MAGI2: variants seen among roughly 807,000 people sequenced by gnomAD.
MAGI2 encodes membrane-associated guanylate kinase, WW and PDZ domain-containing protein 2.
Under a neutral mutation model 133.3 loss-of-function variants are expected in MAGI2, and 35 were observed. The ratio of observed to expected loss-of-function variants is 0.26; its 90% CI spans 0.20 to 0.35. MAGI2 has a LOEUF of 0.35. MAGI2 is among the 10% of genes least tolerant of loss of function. The probability of loss-of-function intolerance (pLI) is 1.00; values close to 1 mark genes in which losing one functional copy is unlikely to be tolerated. For missense variants in MAGI2, 1,636 were observed against 1,863.4 expected (o/e 0.88, Z 2.25); for synonymous variants, 729 against 710.6 (o/e 1.03, Z -0.41).
At chr7:78,632,273 G>T (rs1179603165) in intron 2 of MAGI2, among the ~76,000 whole-genome samples, 1 of 152,182 alleles carries the variant, frequency 6.6e-6, no homozygotes, top group African/African-American at 2.4e-5. Context: ...GCTATAAAGG[G>T]TTAAATCTTA....
At chr7:79,254,434 T>A (rs940284217) in intron 1 of MAGI2, among the ~76,000 whole-genome samples, 7 of 152,204 alleles carry the variant, frequency 4.6e-5, no homozygotes, top group African/African-American at 1.7e-4. Flanking sequence ...ACAAAGGCCA[T>A]CTTACTGAAT....
intron 2 of MAGI2, among the ~76,000 whole-genome samples, chr7:78,666,785 G>A (rs1281588920): frequency 6.6e-6 from 1 of 152,196 alleles, no homozygotes; most frequent in Non-Finnish European, 1.5e-5. Context: ...GAAAGAAACA[G>A]ATTCAAAGGT....
chr7:78,791,541 CTT>C (rs553315100), intron 2 of MAGI2, among the ~76,000 whole-genome samples: 16 of 132,930 alleles, frequency 1.2e-4, no homozygotes, highest in South Asian at 2.4e-4. Context: ...GAGAAACAAT[CTT>C]TTTTTTTTTT....
intron 2 of MAGI2, among the ~76,000 whole-genome samples, chr7:78,641,590 G>T (rs975870705): frequency 2.0e-5 from 3 of 152,190 alleles, no homozygotes; most frequent in African/African-American, 7.2e-5. Flanking sequence ...AAATCAACAA[G>T]ATGCAACTTC....
chr7:78,678,834 CTCT>C (rs559413201), intron 2 of MAGI2, among the ~76,000 whole-genome samples: 19 of 152,162 alleles, frequency 1.2e-4, no homozygotes, highest in African/African-American at 4.3e-4. Flanking sequence ...TTTTCATTGT[CTCT>C]TGTTTTATTT....
chr7:78,507,282 G>A (rs145233737), intron 4 of MAGI2, among the ~76,000 whole-genome samples: 3 of 152,264 alleles, frequency 2.0e-5, no homozygotes, highest in African/African-American at 7.2e-5. Flanking sequence ...CTAGGGATAC[G>A]GTTTAATGTG....
At chr7:78,082,288 C>T (rs927074829) in intron 20 of MAGI2, among the ~76,000 whole-genome samples, 3 of 152,280 alleles carry the variant, frequency 2.0e-5, no homozygotes, top group African/African-American at 7.2e-5. Flanking sequence ...AAGGAGAAGG[C>T]ATTAGCCTGG....
intron 1 of MAGI2, among the ~76,000 whole-genome samples, chr7:79,406,234 T>A (rs1455612430): frequency 6.6e-6 from 1 of 151,988 alleles, no homozygotes; most frequent in Non-Finnish European, 1.5e-5. Context: ...TAGTAGCATG[T>A]TAGAGTACAA....
chr7:78,119,188 T>C (rs1374190891), intron 20 of MAGI2, among the ~76,000 whole-genome samples: 32 of 152,114 alleles, frequency 2.1e-4, no homozygotes, highest in Admixed American at 2.0e-3. Context: ...ACACGGAGAA[T>C]TTTTAGAGCA....
chr7:79,409,220 TA>T (rs1299154487), intron 1 of MAGI2, among the ~76,000 whole-genome samples: 3 of 150,774 alleles, frequency 2.0e-5, no homozygotes, highest in African/African-American at 7.4e-5. Context: ...GCCAAAGAAT[TA>T]AAAAAATTTT....
At position 79,385,516 on chromosome 7, in the gene MAGI2, T is replaced by C. The variant is rs926527388; in HGVS notation, c.301+67504A>G. 2.6e-5 allele frequency among the ~76,000 whole-genome samples: 4 copies of C among 152,088 alleles called. 1 individual carries two copies. In the South Asian group the frequency reaches 8.3e-4, roughly 31 times the overall value. ...CTTTTAGTTCTAAGAATTGTAATAG[T>C]ACTCTCTCATCACACATTGTAGCAG... On this transcript the variant is annotated intron_variant, in intron 1 of 21. Transcript: ENST00000354212.
At chr7:78,869,061 T>C (rs1381037306) in intron 2 of MAGI2, among the ~76,000 whole-genome samples, 1 of 152,200 alleles carries the variant, frequency 6.6e-6, no homozygotes, top group Admixed American at 6.5e-5. Context: ...CCCCAATACA[T>C]ACATTTTTAA....
chr7:78,836,854 T>C (rs1400257988), intron 2 of MAGI2, among the ~76,000 whole-genome samples: 3 of 151,718 alleles, frequency 2.0e-5, no homozygotes, highest in Non-Finnish European at 4.4e-5. Context: ...TTCTAGCTTA[T>C]CACAAGCACT....
chr7:79,176,824 T>C (rs1297920048), intron 1 of MAGI2, among the ~76,000 whole-genome samples: 1 of 152,002 alleles, frequency 6.6e-6, no homozygotes, highest in Non-Finnish European at 1.5e-5. Context: ...TTAGTTTTAG[T>C]AAAATGACAC....
At position 78,609,376 on chromosome 7, in the gene MAGI2, C is replaced by T. The variant is rs189254353; in HGVS notation, c.538+17744G>A. Among the ~76,000 whole-genome samples, 9 of 152,254 alleles carry T rather than the reference C, an allele frequency of 5.9e-5. No homozygotes were observed. In the East Asian group the frequency reaches 1.5e-3, roughly 26 times the overall value. ...ATGCCTAACATGACTATGCTTCATA[C>T]AACAGGAAACACACCAATCCCCAAC... On this transcript the variant is annotated intron_variant, in intron 3 of 21. Coordinates refer to ENST00000354212, the MANE Select transcript of MAGI2 (RefSeq NM_012301.4).
intron 1 of MAGI2, among the ~76,000 whole-genome samples, chr7:79,105,041 A>G (rs1818329018): frequency 6.6e-6 from 1 of 151,994 alleles, no homozygotes; most frequent in African/African-American, 2.4e-5. Context: ...TGAAAAATAA[A>G]CAACATGTTT....
chr7:79,433,667 G>C (rs1336886527), intron 1 of MAGI2, among the ~76,000 whole-genome samples: 1 of 152,086 alleles, frequency 6.6e-6, no homozygotes, highest in Non-Finnish European at 1.5e-5. Flanking sequence ...ATACAGTCTA[G>C]CTGGTATTGC....
chr7:79,094,616 T>G (rs1399098868), intron 1 of MAGI2, among the ~76,000 whole-genome samples: 1 of 152,232 alleles, frequency 6.6e-6, no homozygotes, highest in Non-Finnish European at 1.5e-5. Context: ...GATGTATTTC[T>G]TAAATAACAA....
intron 3 of MAGI2, among the ~76,000 whole-genome samples, chr7:78,552,250 C>A (rs1461961006): frequency 7.6e-6 from 1 of 132,178 alleles, no homozygotes; most frequent in African/African-American, 2.9e-5. Context: ...ATGGCGCGAT[C>A]TCAGCTCACC....
Sources: allele counts gnomAD v4.1 joint callset (sites outside exome capture counted in the v4.1 genomes callset), GRCh38; gene constraint gnomAD v4.1.1; transcripts MANE v1.5; gene names NCBI Gene and HGNC (gene_info 2026-07-23, HGNC 2026-07-21).